Variants in PGR observed in about 807,000 individuals in gnomAD.
The protein encoded by PGR is progesterone receptor, also known as nuclear receptor subfamily 3 group C member 3.
PGR carries 25 observed loss-of-function variants against 76.1 expected under a neutral mutation model. The ratio of observed to expected loss-of-function variants is 0.33; its 90% CI spans 0.24 to 0.46. The LOEUF (loss-of-function observed/expected upper bound fraction) is 0.46, where lower values mean the gene tolerates loss of function less well. PGR is among the 20% of genes least tolerant of loss of function. The pLI, the probability that PGR is intolerant of heterozygous loss-of-function variation, is 1.00. For synonymous variants in PGR, 579 were observed against 535.0 expected, an observed-to-expected ratio of 1.08 and a Z score of -1.14; for missense variants, 1,172 against 1,225.3, an observed-to-expected ratio of 0.96 and a Z score of 0.65.
At chr11:101,045,093 A>G (rs1002649750) in intron 6 of PGR, among the ~76,000 whole-genome samples, 5 of 152,118 alleles carry the variant, frequency 3.3e-5, no homozygotes, top group Non-Finnish European at 7.4e-5. Context: ...CTGCACCCCA[A>G]TCAAAACTTG....
chr11:101,106,787 T>G (rs1012821524), intron 2 of PGR, among the ~76,000 whole-genome samples: 2 of 152,144 alleles, frequency 1.3e-5, no homozygotes, highest in South Asian at 2.1e-4. Context: ...GAAGCACTAT[T>G]CACAATAGCA....
intron 2 of PGR, among the ~76,000 whole-genome samples, chr11:101,103,255 G>A (rs1264544322): frequency 1.3e-5 from 2 of 152,066 alleles, no homozygotes; most frequent in South Asian, 2.1e-4. Flanking sequence ...ATAATAAAGT[G>A]CGTGGAAATT....
chr11:101,050,491 T>C (rs1860048531), intron 5 of PGR, among the ~76,000 whole-genome samples: 2 of 152,108 alleles, frequency 1.3e-5, no homozygotes, highest in African/African-American at 4.8e-5. Flanking sequence ...AGAAGTCAGT[T>C]CACAAAGCTT....
intron 3 of PGR, among the ~76,000 whole-genome samples, chr11:101,070,996 G>A (rs1860915182): frequency 6.6e-6 from 1 of 152,192 alleles, no homozygotes; most frequent in African/African-American, 2.4e-5. Context: ...GCCTCCTCAA[G>A]TGGGTCCCTG....
chr11:101,071,853 T>G (rs1281568371), intron 3 of PGR, among the ~76,000 whole-genome samples: 14 of 152,270 alleles, frequency 9.2e-5, no homozygotes, highest in Non-Finnish European at 1.6e-4. Flanking sequence ...TACGTTTGAT[T>G]GGTGTACCTG....
At chr11:101,115,312 C>T (rs1456332487) in intron 2 of PGR, among the ~76,000 whole-genome samples, 1 of 151,894 alleles carries the variant, frequency 6.6e-6, no homozygotes, top group Non-Finnish European at 1.5e-5. Flanking sequence ...TGATCTTTTT[C>T]CCCTTGAAAT....
chr11:101,046,772 C>G (rs1404795592), intron 6 of PGR, among the ~76,000 whole-genome samples: 2 of 151,880 alleles, frequency 1.3e-5, no homozygotes, highest in Non-Finnish European at 2.9e-5. Flanking sequence ...TTTTTCTTAA[C>G]ATTTATTTGT....
chr11:101,114,506 T>A (rs1367415178), intron 2 of PGR, among the ~76,000 whole-genome samples: 1 of 152,186 alleles, frequency 6.6e-6, no homozygotes. Flanking sequence ...TTAAACTACT[T>A]CTCAGAATCT....
At chr11:101,042,154 A>G in intron 6 of PGR, 52 bp from the exon 7 acceptor site, 1 of 1,546,972 alleles carries the variant, frequency 6.5e-7, no homozygotes, top group Non-Finnish European at 8.9e-7. Context: ...GATGACATTA[A>G]CAATTTATAA....
At chr11:101,066,709 A>T (rs1381602909) in intron 3 of PGR, among the ~76,000 whole-genome samples, 1 of 152,138 alleles carries the variant, frequency 6.6e-6, no homozygotes, top group African/African-American at 2.4e-5. Flanking sequence ...TCATTTACAC[A>T]CCTGCTGCTC....
chr11:101,115,812 A>C (rs888699145), intron 2 of PGR, among the ~76,000 whole-genome samples: 2 of 152,144 alleles, frequency 1.3e-5, no homozygotes, highest in African/African-American at 4.8e-5. Context: ...TGTTTATAAA[A>C]ATTTTCAGGG....
intron 2 of PGR, among the ~76,000 whole-genome samples, chr11:101,102,857 G>C (rs1040875855): frequency 1.4e-5 from 2 of 147,240 alleles, no homozygotes; most frequent in African/African-American, 5.0e-5. Context: ...TGGGGGCAGT[G>C]AGGGGTGGGG....
At chr11:101,108,713 T>G (rs555301868) in intron 2 of PGR, among the ~76,000 whole-genome samples, 1 of 152,212 alleles carries the variant, frequency 6.6e-6, no homozygotes, top group South Asian at 2.1e-4. Flanking sequence ...CTTCCTTCCT[T>G]GTTTTAATTC....
chr11:101,037,771 C>A lies in PGR; in HGVS notation c.*1345G>T, dbSNP rs11571280. The A allele has an allele frequency of 3.6e-3, 819 of 226,282 alleles. 9 individuals carry two copies. The highest frequency in any genetic ancestry group is 0.023 in the Admixed American group (404 of 17,510). The allele number at this position is 226,282 out of a possible 1,614,324, so 14.0% of individuals were successfully genotyped here. A position where few individuals can be genotyped will look rare whatever the true frequency, so the allele number is the denominator to read the frequency against. ...ATAAAGTCATGGGTACAGAAATATG[C>A]AGAAATGTAACCAAAGAATGATCGA... is the stretch of plus-strand genomic sequence containing the variant. On this transcript the variant is annotated 3_prime_UTR_variant, in exon 8 of 8. Transcript: ENST00000325455.
chr11:101,109,270 G>T (rs1278477131), intron 2 of PGR, among the ~76,000 whole-genome samples: 1 of 152,188 alleles, frequency 6.6e-6, no homozygotes, highest in Non-Finnish European at 1.5e-5. Flanking sequence ...AAGCTAGAAA[G>T]ATTAAGCTTC....
intron 3 of PGR, among the ~76,000 whole-genome samples, chr11:101,079,365 C>G (rs1208693978): frequency 2.0e-5 from 3 of 151,804 alleles, no homozygotes; most frequent in Non-Finnish European, 2.9e-5. Context: ...TATTTGAAAA[C>G]TATTCATCTG....
intron 3 of PGR, among the ~76,000 whole-genome samples, chr11:101,065,614 A>G (rs1860683612): frequency 6.6e-6 from 1 of 152,146 alleles, no homozygotes; most frequent in Non-Finnish European, 1.5e-5. Flanking sequence ...ATATTTTTGC[A>G]CCTCTGAAAA....
chr11:101,049,118 T>A (rs547895016), intron 6 of PGR, among the ~76,000 whole-genome samples: 49 of 152,198 alleles, frequency 3.2e-4, no homozygotes, highest in Admixed American at 9.8e-4. Context: ...AAACTTTTTT[T>A]AAAAAAACTA....
Position 101,034,210 on chromosome 11 carries a change from A to G in PGR, c.*4906T>C. 1 of 221,130 alleles carries G rather than the reference A, an allele frequency of 4.5e-6. No homozygotes were observed. The highest frequency in any genetic ancestry group is 1.4e-3 in the Middle Eastern group (1 of 712). 13.7% of individuals were successfully genotyped at this position (221,130 alleles called of 1,614,324 possible). A position where few individuals can be genotyped will look rare whatever the true frequency, so the allele number is the denominator to read the frequency against. ...GCAAACAAACCTGTGTTTAACAATA[A>G]GGTCAGCATGACATACAGCAACAAG... On this transcript the variant is annotated 3_prime_UTR_variant, in exon 8 of 8. Transcript: ENST00000325455.
Sources: allele counts gnomAD v4.1 joint callset (sites outside exome capture counted in the v4.1 genomes callset), GRCh38; gene constraint gnomAD v4.1.1; transcripts MANE v1.5; gene names NCBI Gene and HGNC (gene_info 2026-07-23, HGNC 2026-07-21).